Variants in NRG1 observed in about 807,000 individuals in gnomAD.
NRG1 encodes the protein neuregulin 1, also known as pro-neuregulin-1, membrane-bound isoform.
In NRG1, 18 loss-of-function variants were observed where a neutral mutation model predicts 63.8. The ratio of observed to expected loss-of-function variants is 0.28; its 90% CI spans 0.19 to 0.42. The LOEUF (loss-of-function observed/expected upper bound fraction) is 0.42. Ranked by LOEUF, NRG1 falls within the 10% of genes least tolerant of loss-of-function variation. The probability of loss-of-function intolerance (pLI) is 1.00; values close to 1 mark genes in which losing one functional copy is unlikely to be tolerated. For synonymous variants in NRG1, 302 were observed against 301.3 expected, an observed-to-expected ratio of 1.00 and a Z score of -0.02; for missense variants, 762 against 814.7, an observed-to-expected ratio of 0.94 and a Z score of 0.79.
intron 1 of NRG1, among the ~76,000 whole-genome samples, chr8:31,956,414 G>A (rs927623255): frequency 6.6e-6 from 1 of 152,048 alleles, no homozygotes; most frequent in South Asian, 2.1e-4. Context: ...TCAGGAGATC[G>A]AGACCATCCC....
At chr8:32,475,927 G>A (rs528351653) in intron 1 of NRG1, among the ~76,000 whole-genome samples, 2 of 152,074 alleles carry the variant, frequency 1.3e-5, no homozygotes, top group Non-Finnish European at 2.9e-5. Context: ...GCTTTAAGTG[G>A]GTTGTCTCAA....
chr8:32,626,616 T>C (rs1193534791), intron 5 of NRG1, among the ~76,000 whole-genome samples: 1 of 150,754 alleles, frequency 6.6e-6, no homozygotes, highest in Non-Finnish European at 1.5e-5. Flanking sequence ...GGAGGTGGAG[T>C]TTGCAGTGAG....
At chr8:32,019,352 C>A (rs1816081099) in intron 1 of NRG1, among the ~76,000 whole-genome samples, 2 of 152,196 alleles carry the variant, frequency 1.3e-5, no homozygotes, top group African/African-American at 2.4e-5. Flanking sequence ...CTCGCCTTGG[C>A]CTCCCAAACA....
intron 1 of NRG1, among the ~76,000 whole-genome samples, chr8:32,284,648 A>G (rs140471252): frequency 4.0e-3 from 607 of 152,142 alleles, no homozygotes; most frequent in African/African-American, 0.014. Flanking sequence ...CTCCCAGCTC[A>G]GCCTCCCGAG....
At chr8:32,123,211 C>T (rs1833692447) in intron 1 of NRG1, among the ~76,000 whole-genome samples, 1 of 151,882 alleles carries the variant, frequency 6.6e-6, no homozygotes, top group Admixed American at 6.6e-5. Flanking sequence ...GCTGTGGCCC[C>T]CTCCCAAATC....
intron 5 of NRG1, among the ~76,000 whole-genome samples, chr8:32,679,458 A>C (rs929224710): frequency 5.9e-5 from 9 of 152,194 alleles, no homozygotes; most frequent in African/African-American, 2.2e-4. Context: ...TTGCATCATA[A>C]TATAGTTATC....
intron 6 of NRG1, among the ~76,000 whole-genome samples, chr8:32,731,633 T>A (rs1414144445): frequency 1.3e-5 from 2 of 152,222 alleles, no homozygotes; most frequent in African/African-American, 4.8e-5. Flanking sequence ...AAACTGTTTT[T>A]ATTTTTTTAA....
intron 1 of NRG1, among the ~76,000 whole-genome samples, chr8:32,369,119 T>C (rs1228021890): frequency 6.6e-6 from 1 of 152,234 alleles, no homozygotes; most frequent in East Asian, 1.9e-4. Context: ...TTTGTCTTCA[T>C]TGATGTCAAG....
At chr8:32,654,681 C>T (rs375104695) in intron 5 of NRG1, among the ~76,000 whole-genome samples, 1 of 76,662 alleles carries the variant, frequency 1.3e-5, no homozygotes, top group African/African-American at 4.5e-5. Flanking sequence ...GACACCCCTC[C>T]GGAGGCTGGA....
intron 7 of NRG1, among the ~76,000 whole-genome samples, chr8:32,773,584 G>T (rs1258903107): frequency 1.3e-5 from 2 of 152,088 alleles, no homozygotes; most frequent in African/African-American, 4.8e-5. Context: ...CCACTGACAG[G>T]TCACACAAGT....
intron 1 of NRG1, chr8:32,061,975 C>T (rs1169980990): frequency 6.6e-6 from 1 of 152,010 alleles, no homozygotes; most frequent in Non-Finnish European, 1.5e-5. Context: ...AATTATATTA[C>T]AGGACAGACA....
chr8:32,536,902 G>A (rs1399298053), intron 1 of NRG1, among the ~76,000 whole-genome samples: 4 of 115,456 alleles, frequency 3.5e-5, no homozygotes, highest in East Asian at 5.1e-4. Flanking sequence ...CAGCCTGGGC[G>A]ATGGAGCAAG....
chr8:32,559,833 A>G (rs867019599), intron 1 of NRG1, among the ~76,000 whole-genome samples: 69 of 144,996 alleles, frequency 4.8e-4, no homozygotes, highest in African/African-American at 1.4e-3. Flanking sequence ...TGTCTCTACA[A>G]AAAAATACAA....
At chr8:32,551,695 C>G (rs951730403) in intron 1 of NRG1, among the ~76,000 whole-genome samples, 2 of 152,106 alleles carry the variant, frequency 1.3e-5, no homozygotes, top group African/African-American at 2.4e-5. Flanking sequence ...AATAATAGCT[C>G]TAATAGGTCC....
In NRG1 at chr8:32,727,931, C is replaced by T; in HGVS notation, c.503-18C>T. On this transcript the variant is annotated intron_variant, in intron 5 of 11. Transcript: ENST00000356819. ...AAAAAAAGTCCATGTTAACCTTTCT[C>T]CTTTCTCTCCTCTTCAGCTACATCT... The T allele has an allele frequency of 6.2e-7, 1 of 1,613,156 alleles. No homozygotes were observed. Among genetic ancestry groups the T allele is most frequent in the Non-Finnish European group, 8.5e-7 (1 of 1,179,524 alleles).
At chr8:32,194,397 AT>A (rs796237985) in intron 1 of NRG1, among the ~76,000 whole-genome samples, 47 of 151,590 alleles carry the variant, frequency 3.1e-4, no homozygotes, top group Admixed American at 2.2e-3. Flanking sequence ...ACATTTTCAC[AT>A]TTTTTTTTAA....
intron 1 of NRG1, among the ~76,000 whole-genome samples, chr8:31,741,912 C>CA (rs1161616263): frequency 6.6e-6 from 1 of 151,476 alleles, no homozygotes; most frequent in African/African-American, 2.4e-5. Context: ...ACTGAAATGG[C>CA]AAAAAACTGA....
intron 7 of NRG1, chr8:32,748,581 G>A: frequency 2.8e-6 from 1 of 363,340 alleles, no homozygotes. Context: ...AGTCTCTGGA[G>A]TCCCAGCTGC....
At chr8:32,353,102 C>T (rs1013186469) in intron 1 of NRG1, among the ~76,000 whole-genome samples, 5 of 150,254 alleles carry the variant, frequency 3.3e-5, no homozygotes, top group Non-Finnish European at 5.9e-5. Flanking sequence ...AGGCCTTCTT[C>T]CTCAAAAAAT....
Sources: gnomAD v4.1 joint callset for allele counts (sites outside exome capture counted in the v4.1 genomes callset) on GRCh38, gnomAD v4.1.1 for gene constraint, MANE v1.5 for transcripts, NCBI Gene and HGNC (gene_info 2026-07-23, HGNC 2026-07-21) for gene names.